CFAP43: variants seen among roughly 807,000 people sequenced by gnomAD.
The protein encoded by CFAP43 is cilia and flagella associated protein 43.
In CFAP43, 155 loss-of-function variants were observed where a neutral mutation model predicts 218.9. That is an observed-to-expected ratio of 0.71 (90% CI 0.62 to 0.81). The LOEUF (loss-of-function observed/expected upper bound fraction) is 0.81. CFAP43 is among the 30% of genes least tolerant of loss of function. The pLI, the probability that CFAP43 is intolerant of heterozygous loss-of-function variation, is 0.00. For missense variants in CFAP43, 1,778 were observed against 1,954.3 expected (o/e 0.91, Z 1.70); for synonymous variants, 645 against 681.3 (o/e 0.95, Z 0.83).
chr10:104,153,184 C>T (rs753396543), intron 27 of CFAP43, among the ~76,000 whole-genome samples: 4 of 152,124 alleles, frequency 2.6e-5, no homozygotes, highest in Non-Finnish European at 4.4e-5. Flanking sequence ...TATTTGTACT[C>T]TCTTGTTTTC....
At position 104,192,359 on chromosome 10, in the gene CFAP43, A is replaced by C; in HGVS notation, c.1443-57T>G. On this transcript the variant is annotated intron_variant, in intron 11 of 37. Coordinates refer to ENST00000357060, the MANE Select transcript of CFAP43 (RefSeq NM_025145.7). ...CAATTGTTTCACCAGCTAGATGGTGAACAAGTTTATTGAATGGCCACAGAG... is the reference window on the plus strand; with the variant it reads ...CAATTGTTTCACCAGCTAGATGGTGCACAAGTTTATTGAATGGCCACAGAG... 3.0e-6 allele frequency: 4 copies of C among 1,355,920 alleles called. 1 individual carries two copies. Among genetic ancestry groups the C allele is most frequent in the Non-Finnish European group, 4.2e-6 (4 of 952,508 alleles). 84.0% of individuals were successfully genotyped at this position (1,355,920 alleles called of 1,614,324 possible).
intron 7 of CFAP43, 23 bp downstream of exon 7, chr10:104,205,940 A>T: frequency 1.3e-6 from 2 of 1,596,352 alleles, no homozygotes; most frequent in East Asian, 2.2e-5. Flanking sequence ...AAACCAATTA[A>T]TTTGAAAAAA....
At chr10:104,169,248 A>G (rs1245481476) in intron 20 of CFAP43, among the ~76,000 whole-genome samples, 1 of 152,198 alleles carries the variant, frequency 6.6e-6, no homozygotes, top group Non-Finnish European at 1.5e-5. Flanking sequence ...CTGTTTTATT[A>G]GAGAGGTCTG....
At chr10:104,197,733 G>C (rs935092867) in intron 9 of CFAP43, among the ~76,000 whole-genome samples, 189 bp downstream of exon 9, 10 of 152,124 alleles carry the variant, frequency 6.6e-5, no homozygotes, top group African/African-American at 2.4e-4. Flanking sequence ...CATTCTAACC[G>C]GGGGGTAGAT....
intron 2 of CFAP43, among the ~76,000 whole-genome samples, 188 bp downstream of exon 2, chr10:104,230,402 T>G (rs886837184): frequency 6.6e-6 from 1 of 152,126 alleles, no homozygotes; most frequent in African/African-American, 2.4e-5. Flanking sequence ...GAGGCAGAGA[T>G]TGCAGTGAGC....
At chr10:104,149,837 T>C (rs2088161129) in intron 28 of CFAP43, among the ~76,000 whole-genome samples, 1 of 152,204 alleles carries the variant, frequency 6.6e-6, no homozygotes, top group South Asian at 2.1e-4. Flanking sequence ...TTTAGTATAT[T>C]TGCAGAGTTG....
chr10:104,133,679 C>T lies in CFAP43; in HGVS notation c.4537G>A (p.Asp1513Asn), dbSNP rs1454577257. 2 of 1,613,000 alleles carry T rather than the reference C, an allele frequency of 1.2e-6. No homozygotes were observed. The highest frequency in any genetic ancestry group is 8.5e-7 in the Non-Finnish European group (1 of 1,179,344). The change falls in exon 35 of 38, where the codon GAT becomes AAT. Residue 1513 changes from aspartate (D) to asparagine (N), a missense_variant. By Grantham distance (23) the Asp-to-Asn change is conservative (BLOSUM62 1). Transcript: ENST00000357060. ...ATATCCCAAGCCTTCTGATTTAGATCTTCCCTTTCCATCTCCATTTTCTTA... is the reference window on the plus strand; with the variant it reads ...ATATCCCAAGCCTTCTGATTTAGATTTTCCCTTTCCATCTCCATTTTCTTA... The part of the protein sequence containing the change: ...EHKKMEMERE[D>N]LNQKAWDIQM...
intron 12 of CFAP43, among the ~76,000 whole-genome samples, chr10:104,190,741 C>T (rs1167550674): frequency 6.6e-6 from 1 of 152,178 alleles, no homozygotes; most frequent in Non-Finnish European, 1.5e-5. Flanking sequence ...ATACCAAGTC[C>T]TACCAATTCC....
chr10:104,143,591 G>T lies in CFAP43; in HGVS notation c.3993C>A (p.Phe1331Leu). The change falls in exon 32 of 38, where the codon TTC becomes TTA. Residue 1331 changes from phenylalanine (F) to leucine (L), a missense_variant. Physicochemically the swap from Phe to Leu is conservative, Grantham distance 22. This residue lies in a region of CFAP43 where 1,553 missense variants were observed against 1,685.2 expected (regional missense o/e 0.92). Coordinates refer to ENST00000357060, the MANE Select transcript of CFAP43 (RefSeq NM_025145.7). ...ACTTGCCAGATCCTGGTAGTTCTCC[G>T]AAAGGGACAACGCTGGTTGTTTCTG... ...THSETTSVVPFGELPGSGKLN... is the reference protein window; with the variant it reads ...THSETTSVVPLGELPGSGKLN... 6.2e-7 allele frequency: 1 copy of T among 1,614,162 alleles called. No individual in the cohort carries two copies. Among genetic ancestry groups the T allele is most frequent in the Non-Finnish European group, 8.5e-7 (1 of 1,180,022 alleles).
intron 19 of CFAP43, among the ~76,000 whole-genome samples, chr10:104,173,222 T>C (rs1160189798): frequency 1.3e-5 from 2 of 152,182 alleles, no homozygotes; most frequent in Admixed American, 6.5e-5. Context: ...TTTTCTTTTT[T>C]GCCCCAAAAT....
At chr10:104,159,794 T>C (rs535000272) in intron 27 of CFAP43, among the ~76,000 whole-genome samples, 1 of 152,268 alleles carries the variant, frequency 6.6e-6, no homozygotes, top group East Asian at 1.9e-4. Flanking sequence ...CTACTTAAAG[T>C]AGGGTCCACT....
intron 3 of CFAP43, among the ~76,000 whole-genome samples, chr10:104,216,729 G>A (rs556816527): frequency 5.3e-5 from 8 of 152,144 alleles, no homozygotes; most frequent in Non-Finnish European, 8.8e-5. Flanking sequence ...GACCACCTTC[G>A]AGATAGAGTA....
At chr10:104,220,413 T>G (rs1467139633) in intron 3 of CFAP43, among the ~76,000 whole-genome samples, 1 of 152,186 alleles carries the variant, frequency 6.6e-6, no homozygotes, top group Non-Finnish European at 1.5e-5. Flanking sequence ...AAGCCTTCCC[T>G]GACCATTCCC....
At chr10:104,134,258 A>G (rs1404547657) in intron 34 of CFAP43, among the ~76,000 whole-genome samples, 1 of 151,974 alleles carries the variant, frequency 6.6e-6, no homozygotes, top group Non-Finnish European at 1.5e-5. Flanking sequence ...ATTAGCCTGG[A>G]ATAGTGGTGC....
At chr10:104,214,150 C>T (rs1420986625) in intron 4 of CFAP43, 109 bp downstream of exon 4, 3 of 1,009,452 alleles carry the variant, frequency 3.0e-6, no homozygotes, top group Non-Finnish European at 2.8e-6. Flanking sequence ...TGTGTGTATG[C>T]ATATATATGT....
chr10:104,206,033 T>A lies in CFAP43; in HGVS notation c.896-3A>T. ...TGGACTGATAAAATTTCTTCTGTCT[T>A]CTGGAAAAGAAAAACAAGGTAAAGC... On this transcript the variant is annotated splice_region_variant and splice_polypyrimidine_tract_variant and intron_variant, in intron 6 of 37. Coordinates refer to ENST00000357060, the MANE Select transcript of CFAP43 (RefSeq NM_025145.7). 6.2e-7 allele frequency: 1 copy of A among 1,602,684 alleles called. No individual in the cohort carries two copies. Among genetic ancestry groups the A allele is most frequent in the Non-Finnish European group, 8.5e-7 (1 of 1,177,186 alleles).
Position 104,167,721 on chromosome 10 carries a change from CAG to C in CFAP43, c.2706_2707del (p.Val904GlyfsTer2), listed in dbSNP as rs763679004. 6.2e-7 allele frequency: 1 copy of C among 1,606,864 alleles called. No individual in the cohort carries two copies. Among genetic ancestry groups the C allele is most frequent in the Non-Finnish European group, 8.5e-7 (1 of 1,177,970 alleles). ...TTTCATCGGGAAGTTTTCAACCACACAGGGGATATGAAAACACTTGGGGAAAA... is the reference window on the plus strand; with the variant it reads ...TTTCATCGGGAAGTTTTCAACCACACGGGATATGAAAACACTTGGGGAAAA... On this transcript the variant is annotated frameshift_variant, in exon 22 of 38. Transcript: ENST00000357060. LOFTEE classifies it high-confidence loss of function.
chr10:104,131,490 A>G lies in CFAP43; in HGVS notation c.4678-6T>C. On this transcript the variant is annotated splice_polypyrimidine_tract_variant and splice_region_variant and intron_variant, in intron 36 of 37. Coordinates refer to ENST00000357060, the MANE Select transcript of CFAP43 (RefSeq NM_025145.7). The stretch of plus-strand genomic sequence containing the variant: ...TCCACATTCTTTTTGTGCATCTGAA[A>G]TTTTTGTTCCCATGACACCCCACAA... The G allele has an allele frequency of 2.5e-6, 4 of 1,605,916 alleles. No homozygotes were observed. The highest frequency in any genetic ancestry group is 3.4e-6 in the Non-Finnish European group (4 of 1,177,884).
chr10:104,212,095 T>G lies in CFAP43; in HGVS notation c.647A>C (p.Gln216Pro). 6.2e-7 allele frequency: 1 copy of G among 1,614,028 alleles called. No homozygotes were observed. Among genetic ancestry groups the G allele is most frequent in the South Asian group, 1.1e-5 (1 of 91,040 alleles). The change falls in exon 5 of 38, where the codon CAG becomes CCG. Residue 216 changes from glutamine (Q) to proline (P), a missense_variant. Transcript: ENST00000357060. Reference sequence around the variant, plus strand: ...ATAGATGAGATCTTTCGGCAACGACTGGGGGAAAACGACATCCGTTTCATT... The same window carrying G: ...ATAGATGAGATCTTTCGGCAACGACGGGGGGAAAACGACATCCGTTTCATT... ...FFNETDVVFP[Q>P]SLPKDLIYGP... is the part of the protein sequence containing the mutation.
Sources: gnomAD v4.1 joint callset for allele counts (sites outside exome capture counted in the v4.1 genomes callset) on GRCh38, gnomAD v4.1.1 for gene constraint, gnomAD v4.1.1 regional missense constraint, MANE v1.5 for transcripts, NCBI Gene and HGNC (gene_info 2026-07-23, HGNC 2026-07-21) for gene names.